The following SCPEP1 variants were observed in gnomAD, a reference collection of about 807,000 sequenced individuals.
SCPEP1 encodes serine carboxypeptidase 1.
SCPEP1 carries 51 observed loss-of-function variants against 63.8 expected under a neutral mutation model. That is an observed-to-expected ratio of 0.80 (90% CI 0.64 to 1.01). The LOEUF (loss-of-function observed/expected upper bound fraction) is 1.01, where lower values mean the gene tolerates loss of function less well. Among genes scored for constraint, SCPEP1 ranks in the 50% least tolerant of loss-of-function variants. SCPEP1 has a pLI of 0.00. For synonymous variants in SCPEP1, 204 were observed against 207.8 expected (o/e 0.98, Z 0.16); for missense variants, 499 against 554.9 (o/e 0.90, Z 1.01).
At chr17:56,988,361 T>G in intron 5 of SCPEP1, 71 bp downstream of exon 5, 2 of 1,151,434 alleles carry the variant, frequency 1.7e-6, no homozygotes, top group Non-Finnish European at 2.6e-6. Context: ...TGTACTCACG[T>G]GCTATTAAAT....
intron 2 of SCPEP1, chr17:56,985,115 A>T: frequency 2.0e-6 from 1 of 508,194 alleles, no homozygotes; most frequent in East Asian, 3.4e-5. Context: ...AAAAGAAAAG[A>T]AAAGAAAAGA....
At chr17:56,993,464 A>G (rs908063374) in intron 6 of SCPEP1, among the ~76,000 whole-genome samples, 1 of 152,112 alleles carries the variant, frequency 6.6e-6, no homozygotes, top group East Asian at 1.9e-4. Flanking sequence ...TTGTTTTGAG[A>G]TGGAGTTTTG....
intron 10 of SCPEP1, among the ~76,000 whole-genome samples, chr17:56,999,232 G>C (rs547848738): frequency 6.6e-6 from 1 of 152,110 alleles, no homozygotes; most frequent in Non-Finnish European, 1.5e-5. Flanking sequence ...CCAGGTGCTC[G>C]GGCAGATTTT....
chr17:56,979,953 T>C (rs1406250073), intron 1 of SCPEP1, among the ~76,000 whole-genome samples: 1 of 152,182 alleles, frequency 6.6e-6, no homozygotes, highest in Non-Finnish European at 1.5e-5. Flanking sequence ...TTTAATTGCT[T>C]GATCCTCATG....
At chr17:56,981,411 CAG>C (rs1469081257) in intron 2 of SCPEP1, among the ~76,000 whole-genome samples, 181 bp downstream of exon 2, 1 of 152,204 alleles carries the variant, frequency 6.6e-6, no homozygotes, top group East Asian at 1.9e-4. Flanking sequence ...GAGGCTAAAT[CAG>C]AGGGCGAGGG....
intron 2 of SCPEP1, among the ~76,000 whole-genome samples, chr17:56,981,990 C>T (rs1911081898): frequency 6.6e-6 from 1 of 152,212 alleles, no homozygotes; most frequent in African/African-American, 2.4e-5. Context: ...CTTCGTGTGA[C>T]TGTTGCGCCT....
At chr17:57,004,356 A>T (rs1441891731) in intron 12 of SCPEP1, among the ~76,000 whole-genome samples, 1 of 152,250 alleles carries the variant, frequency 6.6e-6, no homozygotes, top group African/African-American at 2.4e-5. Flanking sequence ...TGTCTCAAAA[A>T]GTAAATCAAT....
chr17:56,991,890 C>G (rs985804226), intron 6 of SCPEP1, among the ~76,000 whole-genome samples: 2 of 152,208 alleles, frequency 1.3e-5, no homozygotes, highest in Non-Finnish European at 2.9e-5. Flanking sequence ...TAGCACCGCT[C>G]CAGTGTGACA....
intron 6 of SCPEP1, among the ~76,000 whole-genome samples, chr17:56,993,275 T>C (rs972720434): frequency 2.6e-5 from 4 of 152,336 alleles, no homozygotes; most frequent in Non-Finnish European, 5.9e-5. Context: ...CATAGACACA[T>C]GTGGCTATTA....
At position 57,006,194 on chromosome 17, in the gene SCPEP1, A is replaced by G. The variant is rs777801763; in HGVS notation, c.1318A>G (p.Met440Val). The change falls in exon 13 of 13, where the codon ATG (methionine) becomes GTG (valine). Residue 440 changes from methionine to valine, a missense_variant. Met to Val is a conservative substitution (Grantham distance 21, BLOSUM62 1). Transcript: ENST00000262288. ...GHMVPSDQGD[M>V]ALKMMRLVTQ... is the part of the protein sequence containing the mutation. ...CTAGGTTCCTTCTGACCAAGGGGAC[A>G]TGGCTCTGAAGATGATGAGACTGGT... 4 of 1,611,516 alleles carry G rather than the reference A, an allele frequency of 2.5e-6. No individual in the cohort carries two copies. The highest frequency in any genetic ancestry group is 2.2e-5 in the East Asian group (1 of 44,532).
At chr17:56,987,975 C>A in intron 4 of SCPEP1, 125 bp downstream of exon 4, 1 of 1,110,022 alleles carries the variant, frequency 9.0e-7, no homozygotes. Context: ...CTTTTTAATT[C>A]CCAAGATTGG....
intron 11 of SCPEP1, 84 bp downstream of exon 11, chr17:57,001,076 C>G (rs1052038649): frequency 1.4e-6 from 2 of 1,428,298 alleles, no homozygotes; most frequent in African/African-American, 1.4e-5. Context: ...GTCAGTCTTG[C>G]GGTGGGTGAT....
chr17:57,004,209 G>C (rs746621290), intron 12 of SCPEP1, among the ~76,000 whole-genome samples: 21 of 152,298 alleles, frequency 1.4e-4, no homozygotes, highest in Middle Eastern at 3.4e-3. Context: ...CTGGGCAACA[G>C]AGTGAGACTC....
intron 1 of SCPEP1, among the ~76,000 whole-genome samples, chr17:56,980,289 AT>A (rs1274106976): frequency 1.3e-5 from 2 of 151,930 alleles, no homozygotes; most frequent in Non-Finnish European, 2.9e-5. Context: ...TAATTTTTGC[AT>A]TTTTTGTAGA....
intron 2 of SCPEP1, among the ~76,000 whole-genome samples, chr17:56,982,304 C>T (rs1911090972): frequency 6.6e-6 from 1 of 152,186 alleles, no homozygotes; most frequent in African/African-American, 2.4e-5. Flanking sequence ...TCCAACAATG[C>T]TGGTATTTAT....
In SCPEP1 at chr17:56,988,578, T is replaced by C. The variant is rs111740380; in HGVS notation, c.546+288T>C. On this transcript the variant is annotated intron_variant, in intron 5 of 12. Coordinates refer to ENST00000262288, the MANE Select transcript of SCPEP1 (RefSeq NM_021626.3). The stretch of plus-strand genomic sequence containing the variant: ...TACAGAATCCAGAAACACACACACA[T>C]ATATATGTATGTGTATCATATATTT... Among the ~76,000 whole-genome samples the C allele has an allele frequency of 2.6e-3, 395 of 152,070 alleles. 1 individual carries two copies. The highest frequency in any genetic ancestry group is 8.2e-3 in the African/African-American group (342 of 41,500).
intron 2 of SCPEP1, chr17:56,984,976 C>T (rs545263458): frequency 1.4e-4 from 29 of 205,876 alleles, no homozygotes; most frequent in Middle Eastern, 2.2e-3. Flanking sequence ...TGGTGGTGTG[C>T]GCCTATAGTT....
chr17:56,985,139 C>T, intron 2 of SCPEP1: 2 of 538,352 alleles, frequency 3.7e-6, no homozygotes, highest in Non-Finnish European at 6.6e-6. Context: ...AATCAGGAGT[C>T]AGGAACATTC....
At position 57,000,869 on chromosome 17, in the gene SCPEP1, GT is replaced by G; in HGVS notation, c.1010del (p.Val337AlafsTer3). 1 of 1,614,160 alleles carries G rather than the reference GT, an allele frequency of 6.2e-7. No homozygotes were observed. Reference protein sequence around the residue: ...DQSWGGQATNVFVNMEEDFMK... With the variant: ...DQSWGGQATNXFVNMEEDFMK... ...CCCATGTGCAGGCCAGGCTACCAAC[GT>G]CTTTGTGAACATGGAGGAGGACTTC... On this transcript the variant is annotated frameshift_variant, in exon 11 of 13. Coordinates refer to ENST00000262288, the MANE Select transcript of SCPEP1 (RefSeq NM_021626.3). LOFTEE classifies it high-confidence loss of function.
Sources: gnomAD v4.1 joint callset for allele counts (sites outside exome capture counted in the v4.1 genomes callset) on GRCh38, gnomAD v4.1.1 for gene constraint, MANE v1.5 for transcripts, NCBI Gene and HGNC (gene_info 2026-07-23, HGNC 2026-07-21) for gene names.